Variants in ACAD11 observed in about 807,000 individuals in gnomAD.
ACAD11 encodes the protein acyl-Coenzyme A dehydrogenase family, member 11.
Under a neutral mutation model 102.2 loss-of-function variants are expected in ACAD11, and 83 were observed. The observed-to-expected ratio is 0.81, with a 90% confidence interval of 0.68 to 0.97. The LOEUF (loss-of-function observed/expected upper bound fraction) is 0.97. Among genes scored for constraint, ACAD11 ranks in the 50% least tolerant of loss-of-function variants. The probability of loss-of-function intolerance (pLI) is 0.00; values close to 1 mark genes in which losing one functional copy is unlikely to be tolerated. For synonymous variants in ACAD11, 324 were observed against 319.8 expected (o/e 1.01, Z -0.14); for missense variants, 901 against 951.7 (o/e 0.95, Z 0.70).
At chr3:132,635,353 G>T (rs2107873909) in intron 5 of ACAD11, among the ~76,000 whole-genome samples, 1 of 152,206 alleles carries the variant, frequency 6.6e-6, no homozygotes, top group South Asian at 2.1e-4. Flanking sequence ...CTCTAGGCAA[G>T]TTATCCAAGC....
intron 6 of ACAD11, 90 bp from the exon 7 acceptor site, chr3:132,630,648 G>T (rs1208228248): frequency 1.7e-6 from 2 of 1,161,266 alleles, no homozygotes; most frequent in Admixed American, 2.5e-5. Flanking sequence ...TATGTAAAAC[G>T]GAATGTAATA....
chr3:132,591,923 C>T (rs1336663108), intron 13 of ACAD11, among the ~76,000 whole-genome samples: 1 of 152,050 alleles, frequency 6.6e-6, no homozygotes, highest in Non-Finnish European at 1.5e-5. Flanking sequence ...AATGTTGCCA[C>T]AGCCTTATAT....
intron 11 of ACAD11, among the ~76,000 whole-genome samples, chr3:132,609,683 G>T (rs1370956087): frequency 6.6e-6 from 1 of 152,144 alleles, no homozygotes; most frequent in Non-Finnish European, 1.5e-5. Flanking sequence ...TGGTTTCACA[G>T]TCGAATTCTA....
chr3:132,579,010 A>G (rs1012213133), intron 14 of ACAD11, 129 bp from the exon 15 acceptor site: 1 of 1,527,110 alleles, frequency 6.5e-7, no homozygotes, highest in African/African-American at 1.4e-5. Flanking sequence ...CTGGAATGGG[A>G]ACTGTGTAAA....
At chr3:132,577,541 G>T (rs796773999) in intron 15 of ACAD11, among the ~76,000 whole-genome samples, 22 of 152,254 alleles carry the variant, frequency 1.4e-4, no homozygotes, top group African/African-American at 4.8e-4. Flanking sequence ...CTTCAGGTAG[G>T]TTTACTCCCA....
intron 5 of ACAD11, 103 bp from the exon 6 acceptor site, chr3:132,631,582 A>G: frequency 2.1e-6 from 2 of 971,884 alleles, no homozygotes; most frequent in African/African-American, 1.7e-5. Flanking sequence ...TTTTCCATCA[A>G]AAGTCAATTT....
chr3:132,585,728 A>T (rs1190791773), intron 13 of ACAD11, among the ~76,000 whole-genome samples: 1 of 152,274 alleles, frequency 6.6e-6, no homozygotes, highest in Non-Finnish European at 1.5e-5. Flanking sequence ...CAGCCAAAAG[A>T]CACATGAAAA....
intron 13 of ACAD11, among the ~76,000 whole-genome samples, chr3:132,594,638 C>A (rs530870963): frequency 6.6e-6 from 1 of 152,122 alleles, no homozygotes; most frequent in Non-Finnish European, 1.5e-5. Context: ...TATATCTGAT[C>A]TAATCTGAAA....
intron 4 of ACAD11, among the ~76,000 whole-genome samples, chr3:132,641,677 A>G (rs202060007): frequency 0.14 from 14,040 of 100,352 alleles, 871 homozygotes; most frequent in African/African-American, 0.26. Flanking sequence ...AAGAAGAGGA[A>G]GAGGAAGAGG....
chr3:132,569,331 C>G (rs1189026757), intron 17 of ACAD11, among the ~76,000 whole-genome samples: 1 of 152,086 alleles, frequency 6.6e-6, no homozygotes, highest in Non-Finnish European at 1.5e-5. Context: ...GTAGTGACAA[C>G]ACCATATGCT....
intron 9 of ACAD11, among the ~76,000 whole-genome samples, chr3:132,622,099 TC>T (rs550907004): frequency 9.6e-4 from 146 of 152,292 alleles, no homozygotes; most frequent in African/African-American, 3.4e-3. Flanking sequence ...TATTATAGTA[TC>T]TCTGTATGTT....
At chr3:132,596,223 T>G (rs1242138421) in intron 13 of ACAD11, among the ~76,000 whole-genome samples, 1 of 152,052 alleles carries the variant, frequency 6.6e-6, no homozygotes, top group Non-Finnish European at 1.5e-5. Context: ...AAGTGGGAGC[T>G]AAGATGAGAA....
At chr3:132,637,845 A>T (rs1940331417) in intron 5 of ACAD11, among the ~76,000 whole-genome samples, 1 of 152,178 alleles carries the variant, frequency 6.6e-6, no homozygotes, top group Admixed American at 6.5e-5. Context: ...GTCATTTAAA[A>T]TTGTTTATTC....
intron 16 of ACAD11, 130 bp from the exon 17 acceptor site, chr3:132,576,056 G>T (rs1937519539): frequency 2.0e-6 from 2 of 981,628 alleles, no homozygotes; most frequent in Non-Finnish European, 2.9e-6. Context: ...AAAAAAGTCA[G>T]TTCTATAATA....
At chr3:132,559,136 T>C in intron 19 of ACAD11, 51 bp from the exon 20 acceptor site, 1 of 1,255,100 alleles carries the variant, frequency 8.0e-7, no homozygotes, top group Non-Finnish European at 1.2e-6. Context: ...AAGAGGAACA[T>C]GATACTTTGA....
At chr3:132,618,866 G>A in intron 10 of ACAD11, 94 bp from the exon 11 acceptor site, 2 of 1,250,746 alleles carry the variant, frequency 1.6e-6, no homozygotes, top group Non-Finnish European at 2.1e-6. Flanking sequence ...TATGATCTTT[G>A]AAATTTAAAA....
chr3:132,593,249 C>CA (rs1296430802), intron 13 of ACAD11, among the ~76,000 whole-genome samples: 1 of 151,568 alleles, frequency 6.6e-6, no homozygotes, highest in Non-Finnish European at 1.5e-5. Flanking sequence ...ACATTTATGA[C>CA]AAAATGTATG....
intron 11 of ACAD11, among the ~76,000 whole-genome samples, chr3:132,614,299 T>C (rs768113220): frequency 6.6e-5 from 10 of 152,190 alleles, no homozygotes; most frequent in Non-Finnish European, 1.5e-4. Context: ...CCATTGACTT[T>C]CTTCACAGAA....
chr3:132,588,774 A>T (rs980028427), intron 13 of ACAD11, among the ~76,000 whole-genome samples: 4 of 150,196 alleles, frequency 2.7e-5, no homozygotes, highest in African/African-American at 1.0e-4. Context: ...CTTAAATGTC[A>T]TATTCTTCAC....
Sources: allele counts gnomAD v4.1 joint callset (sites outside exome capture counted in the v4.1 genomes callset), GRCh38; gene constraint gnomAD v4.1.1; transcripts MANE v1.5; gene names NCBI Gene and HGNC (gene_info 2026-07-23, HGNC 2026-07-21).